The following FBXW8 variants were observed in gnomAD, a reference collection of about 807,000 sequenced individuals.
The protein encoded by FBXW8 is F-box/WD repeat-containing protein 8.
In FBXW8, 57 loss-of-function variants were observed where a neutral mutation model predicts 65.3. That is an observed-to-expected ratio of 0.87 (90% CI 0.71 to 1.09). The LOEUF is 1.09. Among genes scored for constraint, FBXW8 ranks in the 50% least tolerant of loss-of-function variants. FBXW8 has a pLI of 0.00. For synonymous variants in FBXW8, 308 were observed against 330.2 expected (o/e 0.93, Z 0.73); for missense variants, 777 against 814.8 (o/e 0.95, Z 0.57).
Position 117,027,570 on chromosome 12 carries a change from C to A in FBXW8, c.1652+66C>A, listed in dbSNP as rs1406331932. 2.4e-6 allele frequency: 3 copies of A among 1,244,564 alleles called. No homozygotes were observed. The South Asian group carries it at 3.8e-5, about 16-fold the overall frequency. 77.1% of individuals were successfully genotyped at this position (1,244,564 alleles called of 1,614,324 possible). A position where few individuals can be genotyped will look rare whatever the true frequency, so the allele number is the denominator to read the frequency against. On this transcript the variant is annotated intron_variant, in intron 10 of 10. Transcript: ENST00000652555. ...TGACTGATGTATAGAACCCCACCCC[C>A]CCCGCCGTGACACATTGCACCCTAT... is the stretch of plus-strand genomic sequence containing the variant.
intron 4 of FBXW8, 33 bp downstream of exon 4, chr12:116,949,739 ATCTGAAGG>A (rs777413351): frequency 6.3e-6 from 10 of 1,597,428 alleles, no homozygotes; most frequent in Non-Finnish European, 8.6e-6. Context: ...AGTGCTCTGC[ATCTGAAGG>A]TCTTTCATTT....
chr12:116,971,838 C>T lies in FBXW8; in HGVS notation c.835+6984C>T, dbSNP rs572309232. Among the ~76,000 whole-genome samples the T allele has an allele frequency of 2.6e-5, 4 of 152,266 alleles. No homozygotes were observed. The East Asian group carries it at 7.7e-4, about 29-fold the overall frequency. On this transcript the variant is annotated intron_variant, in intron 5 of 10. Transcript: ENST00000652555. Reference sequence around the variant, plus strand: ...GCTGTTGGTACCAAGTGACCACCTGCATGCCCGTATTGACCTTGTCATGAA... The same window carrying T: ...GCTGTTGGTACCAAGTGACCACCTGTATGCCCGTATTGACCTTGTCATGAA...
intron 8 of FBXW8, among the ~76,000 whole-genome samples, chr12:117,018,280 C>T (rs529115412): frequency 2.0e-5 from 3 of 152,336 alleles, no homozygotes; most frequent in Admixed American, 6.5e-5. Context: ...TTACAGCTTT[C>T]AGACCAATTA....
intron 7 of FBXW8, among the ~76,000 whole-genome samples, chr12:117,009,435 T>A (rs2135708078): frequency 1.3e-5 from 2 of 152,214 alleles, no homozygotes; most frequent in East Asian, 3.9e-4. Flanking sequence ...TTCATTAATT[T>A]AAAAATGTCA....
chr12:116,985,156 C>A, intron 5 of FBXW8, 50 bp from the exon 6 acceptor site: 1 of 1,468,312 alleles, frequency 6.8e-7, no homozygotes, highest in Non-Finnish European at 9.1e-7. Context: ...AATAATTGAA[C>A]ATATTAAGTA....
chr12:117,011,750 T>C (rs1052891059), intron 8 of FBXW8, among the ~76,000 whole-genome samples: 2 of 152,152 alleles, frequency 1.3e-5, no homozygotes, highest in African/African-American at 4.8e-5. Flanking sequence ...TGGATGGTGC[T>C]CAGAGTTTGC....
At chr12:116,924,908 T>C (rs1412122748) in intron 1 of FBXW8, among the ~76,000 whole-genome samples, 2 of 152,174 alleles carry the variant, frequency 1.3e-5, no homozygotes, top group African/African-American at 4.8e-5. Context: ...GAATTTACTC[T>C]GGTTTGTCTG....
intron 2 of FBXW8, among the ~76,000 whole-genome samples, chr12:116,929,931 A>G (rs1881640808): frequency 6.6e-6 from 1 of 152,190 alleles, no homozygotes; most frequent in African/African-American, 2.4e-5. Flanking sequence ...AGATCATGCA[A>G]TATTTGTCTT....
chr12:117,010,273 C>T (rs753106099), intron 7 of FBXW8, 50 bp from the exon 8 acceptor site: 27 of 1,611,532 alleles, frequency 1.7e-5, no homozygotes, highest in East Asian at 4.5e-5. Context: ...TATTTGATGT[C>T]GGCCTGGTGT....
At chr12:116,960,115 A>T (rs1010444482) in intron 4 of FBXW8, among the ~76,000 whole-genome samples, 7 of 152,160 alleles carry the variant, frequency 4.6e-5, no homozygotes, top group Non-Finnish European at 8.8e-5. Context: ...CTGGAGAAAA[A>T]TCAGCCTTTT....
chr12:117,024,170 G>A lies in FBXW8; in HGVS notation c.1391G>A (p.Ser464Asn). ...DGRVRIHDLR[S>N]GNIALSLSAH... ...AGGGTGAGGATCCACGACCTCCGCA[G>A]TGGTAACATCGCCCTGTCGCTCTCC... is the stretch of plus-strand genomic sequence containing the variant. Residue 464 changes from serine to asparagine, a missense_variant, in exon 9 of 11, where the codon AGT (serine) becomes AAT (asparagine). Coordinates refer to ENST00000652555, the MANE Select transcript of FBXW8 (RefSeq NM_153348.3). 6.2e-7 allele frequency: 1 copy of A among 1,614,088 alleles called. No individual in the cohort carries two copies. The highest frequency in any genetic ancestry group is 1.3e-5 in the African/African-American group (1 of 75,032).
At chr12:117,021,869 G>A (rs1181928563) in intron 8 of FBXW8, among the ~76,000 whole-genome samples, 1 of 152,192 alleles carries the variant, frequency 6.6e-6, no homozygotes, top group African/African-American at 2.4e-5. Flanking sequence ...TGGCTGTGAC[G>A]TTTCATCCCG....
intron 1 of FBXW8, among the ~76,000 whole-genome samples, chr12:116,915,640 CTTTTTTTTTTT>C (rs57687048): frequency 1.3e-3 from 98 of 77,204 alleles, no homozygotes; most frequent in African/African-American, 4.8e-3. Context: ...CACCTGACTA[CTTTTTTTTTTT>C]TTTTTTTTTT....
At chr12:116,949,468 T>C (rs1024107191) in intron 3 of FBXW8, 150 bp from the exon 4 acceptor site, 1 of 677,876 alleles carries the variant, frequency 1.5e-6, no homozygotes, top group Non-Finnish European at 2.7e-6. Flanking sequence ...AGTCATCATC[T>C]TTGTCTTTTT....
intron 2 of FBXW8, among the ~76,000 whole-genome samples, chr12:116,941,947 T>C (rs1015252986): frequency 6.6e-6 from 1 of 152,212 alleles, no homozygotes; most frequent in Non-Finnish European, 1.5e-5. Flanking sequence ...ATAACTTCAT[T>C]TGGTGTATGT....
At chr12:116,923,274 G>A (rs1025516926) in intron 1 of FBXW8, among the ~76,000 whole-genome samples, 10 of 150,372 alleles carry the variant, frequency 6.7e-5, no homozygotes, top group Admixed American at 5.9e-4. Context: ...AGGGCCCTTG[G>A]CATTTTTTTT....
chr12:116,980,012 T>C (rs950935469), intron 5 of FBXW8, among the ~76,000 whole-genome samples: 6 of 152,024 alleles, frequency 3.9e-5, no homozygotes, highest in African/African-American at 1.4e-4. Flanking sequence ...CCTCAGCTAA[T>C]TGGATGAGGG....
intron 1 of FBXW8, among the ~76,000 whole-genome samples, chr12:116,915,350 T>C (rs1880321777): frequency 6.6e-6 from 1 of 152,234 alleles, no homozygotes; most frequent in Non-Finnish European, 1.5e-5. Flanking sequence ...GAATTGTCTT[T>C]AAACATGGCC....
chr12:116,911,925 A>G (rs1879979047), intron 1 of FBXW8, among the ~76,000 whole-genome samples: 1 of 152,198 alleles, frequency 6.6e-6, no homozygotes, highest in African/African-American at 2.4e-5. Flanking sequence ...GGGCACTTTC[A>G]TTAGGATAGA....
Sources: gnomAD v4.1 joint callset for allele counts (sites outside exome capture counted in the v4.1 genomes callset) on GRCh38, gnomAD v4.1.1 for gene constraint, MANE v1.5 for transcripts, NCBI Gene and HGNC (gene_info 2026-07-23, HGNC 2026-07-21) for gene names.